The following MAST2 variants were observed in gnomAD, a reference collection of about 807,000 sequenced individuals.
MAST2 encodes the protein microtubule-associated serine/threonine-protein kinase 2.
A neutral mutation model predicts 147.4 loss-of-function variants in MAST2; 70 were observed. That is an observed-to-expected ratio of 0.47 (90% CI 0.39 to 0.58). MAST2 has a LOEUF of 0.58. Among genes scored for constraint, MAST2 ranks in the 20% least tolerant of loss-of-function variants. The pLI, the probability that MAST2 is intolerant of heterozygous loss-of-function variation, is 0.00. For missense variants in MAST2, 2,080 were observed against 2,302.3 expected (o/e 0.90, Z 1.98); for synonymous variants, 869 against 896.8 (o/e 0.97, Z 0.55).
At chr1:45,879,148 T>TA (rs553603834) in intron 3 of MAST2, among the ~76,000 whole-genome samples, 32 of 149,210 alleles carry the variant, frequency 2.1e-4, no homozygotes, top group East Asian at 1.2e-3. Context: ...CCAGAAAGGT[T>TA]AAAAAAAAAA....
intron 1 of MAST2, among the ~76,000 whole-genome samples, chr1:45,811,207 C>T: frequency 6.6e-6 from 1 of 150,658 alleles, no homozygotes; most frequent in Non-Finnish European, 1.5e-5. Flanking sequence ...GCTCTTGTCT[C>T]CCAGGCTGGA....
intron 4 of MAST2, among the ~76,000 whole-genome samples, chr1:45,913,373 A>G (rs1180600339): frequency 2.0e-5 from 3 of 152,200 alleles, no homozygotes; most frequent in African/African-American, 7.2e-5. Context: ...CTTCTGGGTT[A>G]ATAGTATTTC....
chr1:45,997,017 T>G (rs868744415), intron 5 of MAST2, among the ~76,000 whole-genome samples: 12 of 152,192 alleles, frequency 7.9e-5, no homozygotes, highest in African/African-American at 1.2e-4. Flanking sequence ...TACGTACCAG[T>G]CCCCAGCTGG....
At position 46,001,382 on chromosome 1, in the gene MAST2, T is replaced by G. The variant is rs1316431433; in HGVS notation, c.669-1423T>G. On this transcript the variant is annotated intron_variant, in intron 6 of 28. Transcript: ENST00000361297. ...AGAAATTGCTGCCATGCAGCTAGTTTTCATTTCTATCTAAGGGGAGGAAAA... is the reference window on the plus strand; with the variant it reads ...AGAAATTGCTGCCATGCAGCTAGTTGTCATTTCTATCTAAGGGGAGGAAAA... Among the ~76,000 whole-genome samples, 5 of 152,328 alleles carry G rather than the reference T, an allele frequency of 3.3e-5. No homozygotes were observed. The East Asian group carries it at 9.6e-4, about 29-fold the overall frequency.
chr1:45,852,528 ATTTTTT>A (rs530831596), intron 3 of MAST2, among the ~76,000 whole-genome samples: 1 of 135,826 alleles, frequency 7.4e-6, no homozygotes, highest in Admixed American at 7.5e-5. Flanking sequence ...TGCCTGGCTA[ATTTTTT>A]TTTTTTTTTT....
intron 4 of MAST2, among the ~76,000 whole-genome samples, chr1:45,951,882 A>G (rs1658979653): frequency 6.6e-6 from 1 of 152,242 alleles, no homozygotes; most frequent in South Asian, 2.1e-4. Flanking sequence ...ATTCATAGAG[A>G]TAATGACTGA....
At chr1:45,973,670 A>G (rs1470241440) in intron 5 of MAST2, among the ~76,000 whole-genome samples, 1 of 152,222 alleles carries the variant, frequency 6.6e-6, no homozygotes. Context: ...GGGACATTCC[A>G]GTTTTCAGAG....
Position 46,035,071 on chromosome 1 carries a change from G to A in MAST2, c.4402G>A (p.Gly1468Arg), listed in dbSNP as rs774321547. 5.0e-6 allele frequency: 8 copies of A among 1,613,804 alleles called. No homozygotes were observed. The highest frequency in any genetic ancestry group is 6.8e-6 in the Non-Finnish European group (8 of 1,179,964). ...TGGCAAGGGGGCCCTGCCAGGGAAG[G>A]GGGTGCTGCAGCCTGCTCCCTCACG... ...LSGKGALPGKGVLQPAPSRAL... is the reference protein window; with the variant it reads ...LSGKGALPGKRVLQPAPSRAL... The change falls in exon 29 of 29, where the codon GGG becomes AGG. Residue 1468 changes from glycine to arginine, a missense_variant. This residue lies in a region of MAST2 where 1,278 missense variants were observed against 1,304.2 expected (regional missense o/e 0.98). Transcript: ENST00000361297. The surrounding 1 kb of genome is among the most constrained non-coding windows in gnomAD (Gnocchi z 5.5).
At chr1:45,960,740 C>T (rs1660300599) in intron 5 of MAST2, among the ~76,000 whole-genome samples, 1 of 152,206 alleles carries the variant, frequency 6.6e-6, no homozygotes, top group Non-Finnish European at 1.5e-5. Flanking sequence ...TCTAAACCTA[C>T]AGTTAGTGGC....
chr1:45,876,252 G>C (rs1646602567), intron 3 of MAST2, among the ~76,000 whole-genome samples: 1 of 152,184 alleles, frequency 6.6e-6, no homozygotes, highest in Non-Finnish European at 1.5e-5. Context: ...GAATGAGTAG[G>C]AAGTGAGAAA....
chr1:45,994,274 C>CTTTTTTTTTTTTTTTTTTTTT (rs869216588), intron 5 of MAST2, among the ~76,000 whole-genome samples: 1 of 62,028 alleles, frequency 1.6e-5, no homozygotes, highest in Non-Finnish European at 2.7e-5. Context: ...CCCTAACCCT[C>CTTTTTTTTTTTTTTTTTTTTT]TTTTTTTTTT....
At chr1:45,892,925 T>C (rs1429082829) in intron 4 of MAST2, among the ~76,000 whole-genome samples, 1 of 152,206 alleles carries the variant, frequency 6.6e-6, no homozygotes, top group Non-Finnish European at 1.5e-5. Context: ...TTAGAAAACA[T>C]AGATAAACAT....
At chr1:45,962,902 A>T (rs1368807721) in intron 5 of MAST2, among the ~76,000 whole-genome samples, 1 of 152,216 alleles carries the variant, frequency 6.6e-6, no homozygotes, top group Non-Finnish European at 1.5e-5. Context: ...TTTAGGTCTA[A>T]CATTTAAGTC....
intron 3 of MAST2, among the ~76,000 whole-genome samples, chr1:45,863,277 G>C (rs1183654496): frequency 1.3e-5 from 2 of 152,124 alleles, no homozygotes; most frequent in African/African-American, 4.8e-5. Flanking sequence ...TGATAGAGGA[G>C]TTCTATGACT....
intron 4 of MAST2, among the ~76,000 whole-genome samples, chr1:45,938,903 G>GT (rs574608821): frequency 3.8e-4 from 56 of 146,838 alleles, no homozygotes; most frequent in East Asian, 1.2e-3. Flanking sequence ...AAATCTGTTC[G>GT]TTTTTTTTTT....
intron 4 of MAST2, among the ~76,000 whole-genome samples, chr1:45,948,362 A>G (rs1171963029): frequency 6.6e-6 from 1 of 152,208 alleles, no homozygotes; most frequent in African/African-American, 2.4e-5. Context: ...TGCTATTTCT[A>G]TCAAACTACC....
intron 4 of MAST2, among the ~76,000 whole-genome samples, chr1:45,921,960 G>A (rs1172581476): frequency 6.6e-6 from 1 of 152,216 alleles, no homozygotes; most frequent in Non-Finnish European, 1.5e-5. Flanking sequence ...AAGACAAAGG[G>A]GAACTTTATT....
At chr1:45,914,964 A>G (rs965809544) in intron 4 of MAST2, among the ~76,000 whole-genome samples, 12 of 152,146 alleles carry the variant, frequency 7.9e-5, no homozygotes, top group African/African-American at 2.2e-4. Flanking sequence ...TGTTTTTGAG[A>G]GTGTCTTACT....
chr1:45,978,238 G>A (rs906769192), intron 5 of MAST2, among the ~76,000 whole-genome samples: 2 of 152,178 alleles, frequency 1.3e-5, no homozygotes, highest in Non-Finnish European at 2.9e-5. Flanking sequence ...AAGAAGCTGG[G>A]TGCGGTGGCT....
Sources: gnomAD v4.1 joint callset for allele counts (sites outside exome capture counted in the v4.1 genomes callset) on GRCh38, gnomAD v4.1.1 for gene constraint, gnomAD v4.1.1 regional missense constraint, Gnocchi (gnomAD v3.1) non-coding constraint, MANE v1.5 for transcripts, NCBI Gene and HGNC (gene_info 2026-07-23, HGNC 2026-07-21) for gene names.